EFR3A: variants seen among roughly 807,000 people sequenced by gnomAD.
EFR3A encodes the protein protein EFR3 homolog A.
EFR3A carries 76 observed loss-of-function variants against 104.4 expected under a neutral mutation model. The ratio of observed to expected loss-of-function variants is 0.73; its 90% CI spans 0.60 to 0.88. EFR3A has a LOEUF of 0.88. EFR3A is among the 40% of genes least tolerant of loss of function. The pLI, the probability that EFR3A is intolerant of heterozygous loss-of-function variation, is 0.00. For missense variants in EFR3A, 985 were observed against 1,012.5 expected (o/e 0.97, Z 0.37); for synonymous variants, 330 against 330.0 (o/e 1.00, Z 0.00).
intron 22 of EFR3A, among the ~76,000 whole-genome samples, chr8:132,007,836 C>T (rs1418453992): frequency 2.0e-5 from 3 of 151,828 alleles, no homozygotes; most frequent in African/African-American, 4.8e-5. Flanking sequence ...GGAATCAAAA[C>T]AATTTAATGA....
At chr8:131,916,667 G>A (rs539122028) in intron 1 of EFR3A, among the ~76,000 whole-genome samples, 3 of 152,304 alleles carry the variant, frequency 2.0e-5, no homozygotes, top group Non-Finnish European at 2.9e-5. Flanking sequence ...GAGGGAGCAG[G>A]TGGGTCATTT....
At chr8:132,002,185 G>C (rs1325464420) in intron 20 of EFR3A, among the ~76,000 whole-genome samples, 2 of 152,138 alleles carry the variant, frequency 1.3e-5, no homozygotes, top group Non-Finnish European at 2.9e-5. Context: ...TCTTATTTCA[G>C]TTATTCCACT....
chr8:131,980,104 G>C lies in EFR3A; in HGVS notation c.1575+683G>C, dbSNP rs916027276. Among the ~76,000 whole-genome samples, 17 of 152,000 alleles carry C rather than the reference G, an allele frequency of 1.1e-4. 1 individual carries two copies. Among genetic ancestry groups the C allele is most frequent in the Admixed American group, 1.1e-3 (16 of 15,238 alleles). ...TGACACTGCCAGCTGCCCTTATAACGAACACAGTATTGCCAGCTAAGGGAG... is the reference window on the plus strand; with the variant it reads ...TGACACTGCCAGCTGCCCTTATAACCAACACAGTATTGCCAGCTAAGGGAG... On this transcript the variant is annotated intron_variant, in intron 14 of 22. Transcript: ENST00000254624.
At chr8:131,961,189 C>T (rs1397353547) in intron 8 of EFR3A, among the ~76,000 whole-genome samples, 1 of 152,170 alleles carries the variant, frequency 6.6e-6, no homozygotes, top group African/African-American at 2.4e-5. Context: ...TCCTCACCAG[C>T]AATGGAACAA....
Position 131,933,532 on chromosome 8 carries a change from T to C in EFR3A, c.11-6967T>C, listed in dbSNP as rs533267612. 2.0e-5 allele frequency among the ~76,000 whole-genome samples: 3 copies of C among 152,290 alleles called. No homozygotes were observed. The South Asian group carries it at 6.2e-4, about 32-fold the overall frequency. ...ATGATGATTCTAGAAGCTTTTCGAA[T>C]GAAATCTCTCAGAATAATATTTTCC... On this transcript the variant is annotated intron_variant, in intron 1 of 22. Transcript: ENST00000254624.
At chr8:131,922,528 C>T (rs1817094496) in intron 1 of EFR3A, among the ~76,000 whole-genome samples, 1 of 152,108 alleles carries the variant, frequency 6.6e-6, no homozygotes, top group Admixed American at 6.6e-5. Context: ...GTTAATTCAA[C>T]CTTTACTGGG....
intron 1 of EFR3A, among the ~76,000 whole-genome samples, chr8:131,918,394 G>C (rs948457356): frequency 6.6e-6 from 1 of 152,106 alleles, no homozygotes; most frequent in Non-Finnish European, 1.5e-5. Flanking sequence ...AATGTTTAAG[G>C]TTTCTTGGTT....
At chr8:131,958,740 C>T (rs1819154431) in intron 7 of EFR3A, among the ~76,000 whole-genome samples, 2 of 152,254 alleles carry the variant, frequency 1.3e-5, no homozygotes, top group Admixed American at 6.5e-5. Context: ...AAAACTCATT[C>T]AACCTCTCTG....
At position 131,944,852 on chromosome 8, in the gene EFR3A, T is replaced by A; in HGVS notation, c.195T>A (p.Asp65Glu). The A allele has an allele frequency of 6.2e-7, 1 of 1,610,880 alleles. No homozygotes were observed. The highest frequency in any genetic ancestry group is 1.1e-5 in the South Asian group (1 of 90,694). ...ACCTGGCAGAAAGGTTGAGCAGGGA[T>A]GTTGTCAGACATCGTTCTGGGTAAG... ...GSYLAERLSR[D>E]VVRHRSGYVL... is the part of the protein sequence containing the mutation. Residue 65 changes from aspartate to glutamate, a missense_variant, in exon 3 of 23, where the codon GAT becomes GAA. Transcript: ENST00000254624.
chr8:131,932,145 T>C (rs1817641876), intron 1 of EFR3A, among the ~76,000 whole-genome samples: 1 of 152,162 alleles, frequency 6.6e-6, no homozygotes, highest in South Asian at 2.1e-4. Flanking sequence ...TGGTTCTTTC[T>C]GTATTTTGAT....
chr8:131,970,992 C>T (rs1402373829), intron 10 of EFR3A, among the ~76,000 whole-genome samples: 2 of 152,064 alleles, frequency 1.3e-5, no homozygotes, highest in African/African-American at 2.4e-5. Context: ...TGGGAATACA[C>T]ACATACACAT....
rs535022454 is a variant in EFR3A at position 131,966,909 on chromosome 8, A to G, written c.856-1386A>G. Among the ~76,000 whole-genome samples, 196 of 152,268 alleles carry G rather than the reference A, an allele frequency of 1.3e-3. 1 individual carries two copies. Among genetic ancestry groups the G allele is most frequent in the African/African-American group, 4.4e-3 (185 of 41,582 alleles). ...CTTTCACTCCATATTCTTTTGTTTA[A>G]TACATGATATCATTCTTGAGTTGTT... On this transcript the variant is annotated intron_variant, in intron 8 of 22. Coordinates refer to ENST00000254624, the MANE Select transcript of EFR3A (RefSeq NM_015137.6).
intron 1 of EFR3A, among the ~76,000 whole-genome samples, chr8:131,909,869 T>C (rs1816428771): frequency 6.6e-6 from 1 of 152,216 alleles, no homozygotes; most frequent in Non-Finnish European, 1.5e-5. Flanking sequence ...TGTCCCTGGT[T>C]GAGAACCACT....
At chr8:131,910,158 G>A (rs1362498357) in intron 1 of EFR3A, among the ~76,000 whole-genome samples, 3 of 152,204 alleles carry the variant, frequency 2.0e-5, no homozygotes, top group South Asian at 2.1e-4. Flanking sequence ...TATACTAGCC[G>A]AGTAGCTGGA....
At chr8:131,988,161 T>G (rs1483318429) in intron 18 of EFR3A, among the ~76,000 whole-genome samples, 3 of 138,584 alleles carry the variant, frequency 2.2e-5, no homozygotes, top group African/African-American at 7.8e-5. Context: ...TTTTTTTCTC[T>G]GTGAACTATA....
At chr8:131,986,347 A>C in intron 17 of EFR3A, 86 bp downstream of exon 17, 2 of 625,438 alleles carry the variant, frequency 3.2e-6, no homozygotes, top group Non-Finnish European at 5.4e-6. Context: ...ATATTGTTAC[A>C]ATAATTCCTG....
At chr8:131,958,764 T>C (rs1819155590) in intron 7 of EFR3A, among the ~76,000 whole-genome samples, 1 of 152,198 alleles carries the variant, frequency 6.6e-6, no homozygotes, top group Non-Finnish European at 1.5e-5. Flanking sequence ...TCCAATTTTT[T>C]CACCTTTGAA....
Position 132,003,218 on chromosome 8 carries a change from T to A in EFR3A, c.2311-18T>A, listed in dbSNP as rs578093918. 5 of 1,605,806 alleles carry A rather than the reference T, an allele frequency of 3.1e-6. No individual in the cohort carries two copies. In the East Asian group the frequency reaches 1.1e-4, roughly 36 times the overall value. ...CCTAGAAAATAAACCATTCTTAACA[T>A]TTTTTTCTTTTTTGCAGGCAAATTT... On this transcript the variant is annotated intron_variant, in intron 21 of 22. Transcript: ENST00000254624.
chr8:131,976,904 G>A, intron 11 of EFR3A, 137 bp from the exon 12 acceptor site: 1 of 538,848 alleles, frequency 1.9e-6, no homozygotes, highest in African/African-American at 2.0e-5. Flanking sequence ...GGCATGTGAA[G>A]TGAGCCATGA....
Sources: gnomAD v4.1 joint callset for allele counts (sites outside exome capture counted in the v4.1 genomes callset) on GRCh38, gnomAD v4.1.1 for gene constraint, MANE v1.5 for transcripts, NCBI Gene and HGNC (gene_info 2026-07-23, HGNC 2026-07-21) for gene names.